COL23A1: variants seen among roughly 807,000 people sequenced by gnomAD.
The protein encoded by COL23A1 is collagen alpha-1(XXIII) chain.
Under a neutral mutation model 99.3 loss-of-function variants are expected in COL23A1, and 97 were observed. The ratio of observed to expected loss-of-function variants is 0.98; its 90% CI spans 0.83 to 1.16. COL23A1 has a LOEUF of 1.16. Ranked by LOEUF, COL23A1 falls within the 50% of genes most tolerant of loss-of-function variation. The pLI, the probability that COL23A1 is intolerant of heterozygous loss-of-function variation, is 0.00. For missense variants in COL23A1, 762 were observed against 757.4 expected (o/e 1.01, Z -0.07); for synonymous variants, 320 against 308.2 (o/e 1.04, Z -0.40).
intron 1 of COL23A1, among the ~76,000 whole-genome samples, chr5:178,580,164 C>T (rs1349036321): frequency 6.6e-6 from 1 of 152,118 alleles, no homozygotes; most frequent in East Asian, 1.9e-4. Context: ...TCCATCTCTA[C>T]TAAAAATACA....
chr5:178,565,828 C>T (rs890215749), intron 1 of COL23A1, among the ~76,000 whole-genome samples: 4 of 151,856 alleles, frequency 2.6e-5, no homozygotes, highest in Admixed American at 2.6e-4. Context: ...TTAAAGCTAT[C>T]AGGGCCGGGC....
chr5:178,581,424 G>C (rs986388144), intron 1 of COL23A1, among the ~76,000 whole-genome samples: 1 of 152,042 alleles, frequency 6.6e-6, no homozygotes, highest in Admixed American at 6.6e-5. Flanking sequence ...AAATTAGCCA[G>C]GCATGGTGGC....
chr5:178,357,762 GTGTATGTATGTGTGTA>G (rs1761758025), intron 2 of COL23A1, among the ~76,000 whole-genome samples: 2 of 120,942 alleles, frequency 1.7e-5, no homozygotes, highest in Non-Finnish European at 3.4e-5. Context: ...GTGTGTGTAC[GTGTATGTATGTGTGTA>G]TGTGTATGTG....
chr5:178,526,092 A>G (rs1581568703), intron 2 of COL23A1, among the ~76,000 whole-genome samples: 1 of 152,256 alleles, frequency 6.6e-6, no homozygotes, highest in Non-Finnish European at 1.5e-5. Flanking sequence ...GCAGTAACCC[A>G]AGAGGGCTTC....
At chr5:178,240,080 C>T (rs946310402) in intron 27 of COL23A1, among the ~76,000 whole-genome samples, 16 of 152,210 alleles carry the variant, frequency 1.1e-4, no homozygotes, top group African/African-American at 3.9e-4. Flanking sequence ...GGGGTTGGGG[C>T]TGGGCCTGGG....
intron 2 of COL23A1, among the ~76,000 whole-genome samples, chr5:178,320,857 G>A (rs960363326): frequency 6.6e-6 from 1 of 152,208 alleles, no homozygotes; most frequent in Non-Finnish European, 1.5e-5. Context: ...CGCTGTGGGG[G>A]CCTTCTGTGG....
chr5:178,298,416 G>A (rs1391503274), intron 3 of COL23A1, among the ~76,000 whole-genome samples: 2 of 152,218 alleles, frequency 1.3e-5, no homozygotes, highest in African/African-American at 4.8e-5. Flanking sequence ...GTTTCCCAAA[G>A]GGTGTGTCCA....
At chr5:178,379,676 GT>G (rs772520908) in intron 2 of COL23A1, among the ~76,000 whole-genome samples, 3 of 152,146 alleles carry the variant, frequency 2.0e-5, no homozygotes, top group Non-Finnish European at 4.4e-5. Context: ...GAGGTCGGGA[GT>G]TCGAGACCAG....
In COL23A1 at chr5:178,326,774, C is replaced by T. The variant is rs544657068; in HGVS notation, c.362-19855G>A. On this transcript the variant is annotated intron_variant, in intron 2 of 28. Transcript: ENST00000390654. Reference sequence around the variant, plus strand: ...TCGCTCTGTCACCCAGGCTGGAGTGCAGTGGCGCGATTTCGGCTCACTGCA... The same window carrying T: ...TCGCTCTGTCACCCAGGCTGGAGTGTAGTGGCGCGATTTCGGCTCACTGCA... 7.9e-5 allele frequency among the ~76,000 whole-genome samples: 12 copies of T among 152,358 alleles called. No homozygotes were observed. The South Asian group carries it at 2.5e-3, about 32-fold the overall frequency.
At chr5:178,362,246 T>C (rs931879963) in intron 2 of COL23A1, among the ~76,000 whole-genome samples, 3 of 151,926 alleles carry the variant, frequency 2.0e-5, no homozygotes, top group African/African-American at 7.3e-5. Context: ...AGAGCCCAAG[T>C]GAATGGAGGG....
intron 14 of COL23A1, 39 bp downstream of exon 14, chr5:178,256,827 G>C: frequency 6.3e-7 from 1 of 1,592,050 alleles, no homozygotes. Context: ...AGGTCTGAGC[G>C]GGGCCCGCAG....
At chr5:178,437,541 T>C (rs373847025) in intron 2 of COL23A1, among the ~76,000 whole-genome samples, 10 of 152,268 alleles carry the variant, frequency 6.6e-5, no homozygotes, top group South Asian at 6.2e-4. Flanking sequence ...CTGTATGAGC[T>C]GGGCCCCAGC....
intron 2 of COL23A1, among the ~76,000 whole-genome samples, chr5:178,483,093 AC>A (rs1757428386): frequency 1.3e-5 from 2 of 152,210 alleles, no homozygotes; most frequent in South Asian, 4.1e-4. Context: ...GAAAAAAAAA[AC>A]TAAAATGTCA....
chr5:178,467,949 G>A (rs2672841), intron 2 of COL23A1, among the ~76,000 whole-genome samples: 4,228 of 152,218 alleles, frequency 0.028, 186 homozygotes, highest in African/African-American at 0.09. Context: ...AGCGACACAC[G>A]GGCCCCAACA....
At position 178,590,317 on chromosome 5, in the gene COL23A1, T is replaced by C. The variant is rs1451327384; in HGVS notation, c.-120A>G. ...GGTCCGCCGGGCGCGGGGGTTAGCC[T>C]CCGGGTAGCAGCGGATCGCCGCGCA... is the stretch of plus-strand genomic sequence containing the variant. On this transcript the variant is annotated 5_prime_UTR_variant, in exon 1 of 29. Transcript: ENST00000390654. This position sits in a 1 kb window ranked among gnomAD's most constrained non-coding sequence, Gnocchi z 5.7. 2.2e-6 allele frequency: 2 copies of C among 926,322 alleles called. No individual in the cohort carries two copies. Among genetic ancestry groups the C allele is most frequent in the African/African-American group, 1.8e-5 (1 of 56,974 alleles). The allele number at this position is 926,322 out of a possible 1,614,324, so 57.4% of individuals were successfully genotyped here.
At chr5:178,296,244 A>T (rs1461312520) in intron 3 of COL23A1, among the ~76,000 whole-genome samples, 1 of 152,212 alleles carries the variant, frequency 6.6e-6, no homozygotes, top group Admixed American at 6.5e-5. Flanking sequence ...CGTGAAGTGC[A>T]GCCCAGATGA....
chr5:178,474,834 C>T (rs1030468655), intron 2 of COL23A1, among the ~76,000 whole-genome samples: 1 of 152,208 alleles, frequency 6.6e-6, no homozygotes, highest in Admixed American at 6.5e-5. Flanking sequence ...TAGTAATAAG[C>T]ACTGTATTAG....
At chr5:178,261,865 G>A (rs1054349858) in intron 10 of COL23A1, 117 bp from the exon 11 acceptor site, 3 of 911,610 alleles carry the variant, frequency 3.3e-6, no homozygotes, top group Non-Finnish European at 5.2e-6. Flanking sequence ...CAGGAGGCTG[G>A]GCTGCCGTCA....
chr5:178,558,102 C>T (rs1762378050), intron 2 of COL23A1, among the ~76,000 whole-genome samples: 1 of 151,146 alleles, frequency 6.6e-6, no homozygotes, highest in Admixed American at 6.6e-5. Context: ...GGACTAGAGG[C>T]TCTGACCAGC....
Sources: gnomAD v4.1 joint callset for allele counts (sites outside exome capture counted in the v4.1 genomes callset) on GRCh38, gnomAD v4.1.1 for gene constraint, Gnocchi (gnomAD v3.1) non-coding constraint, MANE v1.5 for transcripts, NCBI Gene and HGNC (gene_info 2026-07-23, HGNC 2026-07-21) for gene names.